CLEC16A: variants seen among roughly 807,000 people sequenced by gnomAD.
CLEC16A encodes C-type lectin domain containing 16A.
A neutral mutation model predicts 109.5 loss-of-function variants in CLEC16A; 51 were observed. That is an observed-to-expected ratio of 0.47 (90% CI 0.37 to 0.59). The LOEUF (loss-of-function observed/expected upper bound fraction) is 0.59. CLEC16A is among the 20% of genes least tolerant of loss of function. The pLI is 0.00. For synonymous variants in CLEC16A, 673 were observed against 564.2 expected, an observed-to-expected ratio of 1.19 and a Z score of -2.73; for missense variants, 1,339 against 1,394.0, an observed-to-expected ratio of 0.96 and a Z score of 0.63.
chr16:11,022,856 A>G lies in CLEC16A; in HGVS notation c.1437-1965A>G, dbSNP rs866020005. The stretch of plus-strand genomic sequence containing the variant: ...AGAGCTTGCAGTGAGCCGAGATCAC[A>G]CCACTGCACTCCAGCCTGGGCAACA... On this transcript the variant is annotated intron_variant, in intron 12 of 23. Coordinates refer to ENST00000409790, the MANE Select transcript of CLEC16A (RefSeq NM_015226.3). Among the ~76,000 whole-genome samples, 40 of 151,430 alleles carry G rather than the reference A, an allele frequency of 2.6e-4. No homozygotes were observed. In the East Asian group the frequency reaches 5.6e-3, roughly 21 times the overall value.
At position 11,121,606 on chromosome 16, in the gene CLEC16A, G is replaced by A. The variant is rs779945152; in HGVS notation, c.2268+840G>A. Among the ~76,000 whole-genome samples the A allele has an allele frequency of 5.3e-5, 8 of 151,874 alleles. No homozygotes were observed. In the South Asian group the frequency reaches 8.3e-4, roughly 16 times the overall value. On this transcript the variant is annotated intron_variant, in intron 20 of 23. Transcript: ENST00000409790. ...TAATGTTTGCCAACGTGGGCCAGAC[G>A]TGGTGGCTCGTGTCTGTAATCCCAG...
intron 16 of CLEC16A, among the ~76,000 whole-genome samples, chr16:11,045,180 C>T (rs1006684991): frequency 2.0e-5 from 3 of 151,652 alleles, no homozygotes; most frequent in African/African-American, 7.3e-5. Flanking sequence ...CCTGTCTTTA[C>T]TAAGAAATAC....
At chr16:11,145,361 G>C (rs1278472757) in intron 22 of CLEC16A, among the ~76,000 whole-genome samples, 2 of 152,236 alleles carry the variant, frequency 1.3e-5, no homozygotes, top group African/African-American at 4.8e-5. Context: ...GAGTCACACA[G>C]CTGGAGCCCA....
intron 11 of CLEC16A, 31 bp downstream of exon 11, chr16:11,003,336 C>G (rs781309931): frequency 6.3e-7 from 1 of 1,579,586 alleles, no homozygotes; most frequent in South Asian, 1.1e-5. Flanking sequence ...CGCCCTGTGC[C>G]TGCGCCGCCA....
Position 11,118,293 on chromosome 16 carries a change from C to T in CLEC16A, c.2117-2322C>T, listed in dbSNP as rs2052152835. ...AGTAAGAGAAGGAACCTAGCATATG[C>T]AGAGGACTCCTATGCACAAGACCCC... On this transcript the variant is annotated intron_variant, in intron 19 of 23. Coordinates refer to ENST00000409790, the MANE Select transcript of CLEC16A (RefSeq NM_015226.3). Among the ~76,000 whole-genome samples the T allele has an allele frequency of 2.0e-5, 3 of 152,150 alleles. No individual in the cohort carries two copies. In the South Asian group the frequency reaches 6.2e-4, roughly 31 times the overall value.
At chr16:11,058,971 C>T (rs929977328) in intron 18 of CLEC16A, among the ~76,000 whole-genome samples, 8 of 152,192 alleles carry the variant, frequency 5.3e-5, no homozygotes, top group African/African-American at 1.9e-4. Context: ...TTTCAAGTGA[C>T]CACCCACGTC....
At chr16:11,034,516 T>G (rs1182319587) in intron 13 of CLEC16A, among the ~76,000 whole-genome samples, 1 of 152,138 alleles carries the variant, frequency 6.6e-6, no homozygotes, top group East Asian at 1.9e-4. Flanking sequence ...ACTGACACTG[T>G]GGGGCCACAC....
At position 10,948,128 on chromosome 16, in the gene CLEC16A, T is replaced by G. The variant is rs12935412; in HGVS notation, c.80+3331T>G. Among the ~76,000 whole-genome samples the G allele has an allele frequency of 3.3e-5, 5 of 151,930 alleles. No individual in the cohort carries two copies. In the South Asian group the frequency reaches 8.3e-4, roughly 25 times the overall value. ...CAGGATGGTCTCGATCTCCTGACCT[T>G]GTGATCTGCCCTCCTTGACCTCCCA... is the stretch of plus-strand genomic sequence containing the variant. On this transcript the variant is annotated intron_variant, in intron 1 of 23. Coordinates refer to ENST00000409790, the MANE Select transcript of CLEC16A (RefSeq NM_015226.3).
At chr16:10,962,219 G>A (rs1294433319) in intron 2 of CLEC16A, among the ~76,000 whole-genome samples, 2 of 152,148 alleles carry the variant, frequency 1.3e-5, no homozygotes, top group Non-Finnish European at 2.9e-5. Context: ...AAAGTACTGG[G>A]ATTGCAGGCA....
intron 20 of CLEC16A, 117 bp from the exon 21 acceptor site, chr16:11,123,625 A>T: frequency 1.0e-6 from 1 of 994,962 alleles, no homozygotes; most frequent in Non-Finnish European, 1.5e-6. Flanking sequence ...TCGATCTTAG[A>T]TCAAAAGCAG....
At position 11,052,884 on chromosome 16, in the gene CLEC16A, T is replaced by TTTG. The variant is rs148444157; in HGVS notation, c.1995+1267_1995+1269dup. 4.6e-3 allele frequency among the ~76,000 whole-genome samples: 692 copies of TTTG among 150,984 alleles called. 4 individuals carry two copies. The highest frequency in any genetic ancestry group is 0.021 in the Middle Eastern group (6 of 288). ...GCTGCTCTGGATTCCACTTTGCCTT[T>TTTG]TTGTTGTTGTTGTTGTTGTTGTTGT... On this transcript the variant is annotated intron_variant, in intron 18 of 23. Transcript: ENST00000409790.
intron 19 of CLEC16A, among the ~76,000 whole-genome samples, chr16:11,108,762 G>A (rs1475747718): frequency 6.6e-6 from 1 of 152,172 alleles, no homozygotes; most frequent in African/African-American, 2.4e-5. Context: ...TTGGGGCTTG[G>A]CATATAAAAG....
intron 8 of CLEC16A, among the ~76,000 whole-genome samples, chr16:10,977,987 C>T (rs1002259913): frequency 1.3e-5 from 2 of 152,196 alleles, no homozygotes; most frequent in African/African-American, 4.8e-5. Context: ...GTTTTGGTTT[C>T]TGTGCATCCT....
intron 13 of CLEC16A, among the ~76,000 whole-genome samples, chr16:11,034,223 A>G (rs1256362888): frequency 1.3e-5 from 2 of 152,214 alleles, no homozygotes; most frequent in Non-Finnish European, 1.5e-5. Flanking sequence ...TACATTGGAA[A>G]TCGGCCCAAC....
chr16:10,944,678 C>T lies in CLEC16A; in HGVS notation c.-40C>T, dbSNP rs1416276447. 6.4e-7 allele frequency: 1 copy of T among 1,570,294 alleles called. No individual in the cohort carries two copies. The highest frequency in any genetic ancestry group is 8.7e-7 in the Non-Finnish European group (1 of 1,153,590). ...GCGCTGGGCCGCTCTGCTGGTCCGG[C>T]ATGAGACCGTGAGACGAGAGACGGG... On this transcript the variant is annotated 5_prime_UTR_variant, in exon 1 of 24. Transcript: ENST00000409790.
intron 19 of CLEC16A, among the ~76,000 whole-genome samples, chr16:11,065,019 T>A (rs1009302417): frequency 4.6e-5 from 7 of 152,296 alleles, no homozygotes; most frequent in Middle Eastern, 3.4e-3. Flanking sequence ...GACATTCAGG[T>A]CATTGCTCGG....
intron 11 of CLEC16A, among the ~76,000 whole-genome samples, chr16:11,016,831 G>A (rs756619317): frequency 1.8e-4 from 28 of 152,264 alleles, no homozygotes; most frequent in South Asian, 1.0e-3. Flanking sequence ...TGCAAACAAA[G>A]CATTTGTCCA....
At chr16:11,069,347 TC>T (rs2152922798) in intron 19 of CLEC16A, among the ~76,000 whole-genome samples, 1 of 152,276 alleles carries the variant, frequency 6.6e-6, no homozygotes, top group South Asian at 2.1e-4. Flanking sequence ...CAGGCTGGTC[TC>T]AAACTCCTCT....
At chr16:11,033,562 G>A (rs79560057) in intron 13 of CLEC16A, among the ~76,000 whole-genome samples, 6 of 152,168 alleles carry the variant, frequency 3.9e-5, no homozygotes, top group Non-Finnish European at 5.9e-5. Flanking sequence ...GGTTGGTTGA[G>A]TGATTGGTTT....
Sources: allele counts gnomAD v4.1 joint callset (sites outside exome capture counted in the v4.1 genomes callset), GRCh38; gene constraint gnomAD v4.1.1; transcripts MANE v1.5; gene names NCBI Gene and HGNC (gene_info 2026-07-23, HGNC 2026-07-21).